Variants in ATXN8OS observed in about 807,000 individuals in gnomAD.
ATXN8OS encodes ATXN8 opposite strand lncRNA.
intron 1 of ATXN8OS, among the ~76,000 whole-genome samples, chr13:70,108,968 G>A (rs1256925099): frequency 6.6e-6 from 1 of 152,222 alleles, no homozygotes; most frequent in Non-Finnish European, 1.5e-5. Context: ...TTGAAGATGG[G>A]CATCTGAACA....
chr13:70,113,254 T>C (rs1336376176), intron 1 of ATXN8OS, among the ~76,000 whole-genome samples: 1 of 152,044 alleles, frequency 6.6e-6, no homozygotes, highest in African/African-American at 2.4e-5. Context: ...TCTATCCCTT[T>C]TATGAAAATA....
At chr13:70,113,348 A>G (rs1282938004) in intron 1 of ATXN8OS, among the ~76,000 whole-genome samples, 1 of 152,182 alleles carries the variant, frequency 6.6e-6, no homozygotes, top group African/African-American at 2.4e-5. Context: ...TATTTCAAGG[A>G]TATTTTCTAA....
intron 3 of ATXN8OS, among the ~76,000 whole-genome samples, chr13:70,143,619 A>T (rs1399840959): frequency 6.6e-6 from 1 of 152,202 alleles, no homozygotes; most frequent in African/African-American, 2.4e-5. Context: ...GTGCTTAATT[A>T]GAGAGAACTT....
At chr13:70,110,044 C>T (rs1292082448) in intron 1 of ATXN8OS, among the ~76,000 whole-genome samples, 1 of 151,914 alleles carries the variant, frequency 6.6e-6, no homozygotes, top group African/African-American at 2.4e-5. Context: ...TTTGCAGTTC[C>T]TTTTTCTCTG....
chr13:70,128,441 C>G (rs1888475811), intron 2 of ATXN8OS, among the ~76,000 whole-genome samples: 1 of 151,972 alleles, frequency 6.6e-6, no homozygotes, highest in African/African-American at 2.4e-5. Context: ...AAGGCTGAAC[C>G]CGTAGTTGTA....
At chr13:70,157,453 A>T (rs1298174691) in intron 4 of ATXN8OS, among the ~76,000 whole-genome samples, 1 of 152,120 alleles carries the variant, frequency 6.6e-6, no homozygotes, top group Admixed American at 6.6e-5. Context: ...CACAAATTGC[A>T]ACTAGATTAT....
rs1264929870 is a variant in ATXN8OS, at chr13:70,139,374, ACTACTACTACTGCTGCTG to A, written n.500-7978_500-7961del. ...CTTTACTACTACTACTACTACTACT[ACTACTACTACTGCTGCTG>A]CTGCTGCTGCTGCTGCTGCTGCTGC... On this transcript the variant is annotated intron_variant and non_coding_transcript_variant, in intron 3 of 4. Coordinates refer to ENST00000678624, the Ensembl canonical transcript of ATXN8OS. The A allele has an allele frequency of 8.6e-4, 555 of 648,826 alleles. 3 individuals carry two copies. In the African/African-American group the frequency reaches 0.01, roughly 12 times the overall value. The allele number at this position is 648,826 out of a possible 1,614,324, so 40.2% of individuals were successfully genotyped here.
At chr13:70,124,765 T>C (rs1027036325) in intron 2 of ATXN8OS, among the ~76,000 whole-genome samples, 1 of 152,068 alleles carries the variant, frequency 6.6e-6, no homozygotes, top group Non-Finnish European at 1.5e-5. Context: ...CACTAATTAC[T>C]GAAGATATAT....
At chr13:70,169,384 C>T (rs1434147898) in intron 4 of ATXN8OS, among the ~76,000 whole-genome samples, 1 of 152,048 alleles carries the variant, frequency 6.6e-6, no homozygotes, top group Admixed American at 6.6e-5. Flanking sequence ...GCAACCTCCA[C>T]CTGCTGGGTT....
chr13:70,129,656 T>C (rs1888499374), intron 2 of ATXN8OS: 1 of 395,598 alleles, frequency 2.5e-6, no homozygotes, highest in Admixed American at 4.4e-5. Context: ...TGTTTGATGT[T>C]TAAAGTTCAT....
chr13:70,155,140 C>G (rs772625565), intron 4 of ATXN8OS, among the ~76,000 whole-genome samples: 3 of 152,184 alleles, frequency 2.0e-5, no homozygotes, highest in African/African-American at 7.2e-5. Context: ...TCTCTCTCGT[C>G]CTCCTGAATC....
chr13:70,121,343 G>A (rs532727490), intron 2 of ATXN8OS, among the ~76,000 whole-genome samples: 3 of 152,184 alleles, frequency 2.0e-5, no homozygotes, highest in African/African-American at 4.8e-5. Flanking sequence ...AGAGGGAAGA[G>A]ATAGTGTTAG....
At chr13:70,170,750 G>A (rs1999078) in exon 5 of ATXN8OS, among the ~76,000 whole-genome samples, 31,161 of 152,014 alleles carry the variant, frequency 0.2, 3,614 homozygotes, top group East Asian at 0.5. Flanking sequence ...TAACGACAAC[G>A]ATATGTTCTG....
chr13:70,120,804 A>G (rs2137475020), intron 2 of ATXN8OS, among the ~76,000 whole-genome samples: 1 of 152,164 alleles, frequency 6.6e-6, no homozygotes, highest in South Asian at 2.1e-4. Context: ...CATCATTCTC[A>G]GCAAACTATC....
At chr13:70,123,005 T>C (rs9564653) in intron 2 of ATXN8OS, among the ~76,000 whole-genome samples, 24,281 of 151,946 alleles carry the variant, frequency 0.16, 2,503 homozygotes, top group African/African-American at 0.29. Flanking sequence ...CAAGCTTTTG[T>C]GGAAAAATAA....
intron 3 of ATXN8OS, among the ~76,000 whole-genome samples, chr13:70,140,357 G>A (rs1202718295): frequency 6.6e-6 from 1 of 151,982 alleles, no homozygotes; most frequent in African/African-American, 2.4e-5. Flanking sequence ...TAATAACAAT[G>A]TCCACTCTAC....
chr13:70,136,398 TCAC>T (rs962917523), intron 3 of ATXN8OS, among the ~76,000 whole-genome samples: 16 of 152,052 alleles, frequency 1.1e-4, no homozygotes, highest in South Asian at 6.2e-4. Context: ...ATCTATAACT[TCAC>T]CACATCATAT....
At chr13:70,144,722 A>G (rs1030474903) in intron 3 of ATXN8OS, among the ~76,000 whole-genome samples, 1 of 152,108 alleles carries the variant, frequency 6.6e-6, no homozygotes, top group Admixed American at 6.6e-5. Context: ...TCAATTTATT[A>G]TTTCATGGGT....
chr13:70,163,996 G>T (rs1889042450), intron 4 of ATXN8OS, among the ~76,000 whole-genome samples: 1 of 149,280 alleles, frequency 6.7e-6, no homozygotes, highest in Non-Finnish European at 1.5e-5. Context: ...GGATGTGTAG[G>T]GTGCTTGAAT....
Sources: gnomAD v4.1 joint callset for allele counts (sites outside exome capture counted in the v4.1 genomes callset) on GRCh38, gnomAD v4.1.1 for gene constraint, MANE v1.5 for transcripts, NCBI Gene and HGNC (gene_info 2026-07-23, HGNC 2026-07-21) for gene names.